CDC42BPA: variants seen among roughly 807,000 people sequenced by gnomAD.
CDC42BPA encodes serine/threonine-protein kinase MRCK alpha.
CDC42BPA carries 80 observed loss-of-function variants against 223.5 expected under a neutral mutation model. The observed-to-expected ratio is 0.36, with a 90% CI of 0.30 to 0.43. The LOEUF (loss-of-function observed/expected upper bound fraction) is 0.43. Among genes scored for constraint, CDC42BPA ranks in the 20% least tolerant of loss-of-function variants. CDC42BPA has a pLI of 1.00. For synonymous variants in CDC42BPA, 694 were observed against 718.6 expected (o/e 0.97, Z 0.55); for missense variants, 1,743 against 2,099.9 (o/e 0.83, Z 3.32).
In CDC42BPA at chr1:227,189,654, C is replaced by A. The variant is rs371521582; in HGVS notation, c.599+4132G>T. Among the ~76,000 whole-genome samples, 192 of 152,284 alleles carry A rather than the reference C, an allele frequency of 1.3e-3. 2 individuals carry two copies. Among genetic ancestry groups the A allele is most frequent in the African/African-American group, 4.3e-3 (177 of 41,576 alleles). On this transcript the variant is annotated intron_variant, in intron 5 of 36. Coordinates refer to ENST00000366766, the MANE Select transcript of CDC42BPA (RefSeq NM_001394014.1). ...CTCAATGTTATTAGAAAATATTTTA[C>A]TTTAATTATTCGTACCATTTGCTAT...
chr1:227,293,795 G>C (rs190189570), intron 1 of CDC42BPA, among the ~76,000 whole-genome samples: 1 of 151,058 alleles, frequency 6.6e-6, no homozygotes, highest in African/African-American at 2.4e-5. Context: ...TGGGCAACAA[G>C]AACAAAACTC....
intron 2 of CDC42BPA, among the ~76,000 whole-genome samples, chr1:227,230,138 C>T (rs1677565658): frequency 6.6e-6 from 1 of 152,212 alleles, no homozygotes; most frequent in Non-Finnish European, 1.5e-5. Context: ...AGATTTCTAG[C>T]TGTTCTGCTA....
At chr1:227,016,049 CTTTT>C in intron 34 of CDC42BPA, 27 bp downstream of exon 34, 1 of 1,231,272 alleles carries the variant, frequency 8.1e-7, no homozygotes, top group Non-Finnish European at 1.2e-6. Context: ...CACACCCGCC[CTTTT>C]TTACACTCAC....
At chr1:227,311,203 A>T (rs578171174) in intron 1 of CDC42BPA, among the ~76,000 whole-genome samples, 45 of 152,162 alleles carry the variant, frequency 3.0e-4, no homozygotes, top group East Asian at 2.5e-3. Context: ...ACACACAAAA[A>T]TTTTTTAATT....
chr1:227,158,397 T>C (rs982613888), intron 6 of CDC42BPA, among the ~76,000 whole-genome samples: 1 of 152,114 alleles, frequency 6.6e-6, no homozygotes, highest in African/African-American at 2.4e-5. Context: ...TTTTTTTGAA[T>C]CCTTGTCATT....
At chr1:227,121,280 A>T (rs1688627766) in intron 11 of CDC42BPA, among the ~76,000 whole-genome samples, 1 of 152,236 alleles carries the variant, frequency 6.6e-6, no homozygotes, top group Non-Finnish European at 1.5e-5. Flanking sequence ...TGTGGGAACC[A>T]GTGCACAAAG....
rs1660580057 is a variant in CDC42BPA, at chr1:226,990,330, CGTGCTG to C, written c.*3932_*3937del. 6.6e-6 allele frequency: 1 copy of C among 152,228 alleles called. No individual in the cohort carries two copies. The highest frequency in any genetic ancestry group is 2.4e-5 in the African/African-American group (1 of 41,446). The allele number at this position is 152,228 out of a possible 1,614,324, so 9.4% of individuals were successfully genotyped here. A position where few individuals can be genotyped will look rare whatever the true frequency, so the allele number is the denominator to read the frequency against. On this transcript the variant is annotated 3_prime_UTR_variant, in exon 37 of 37. Coordinates refer to ENST00000366766, the MANE Select transcript of CDC42BPA (RefSeq NM_001394014.1). ...GGTGTCCTGTGTGGGGAGGGCCCAG[CGTGCTG>C]CCAGTGCTGGGGGGCAGGGCTTACA...
In CDC42BPA at chr1:227,211,514, G is replaced by A. The variant is rs1413680160; in HGVS notation, c.354+1622C>T. On this transcript the variant is annotated intron_variant, in intron 3 of 36. Coordinates refer to ENST00000366766, the MANE Select transcript of CDC42BPA (RefSeq NM_001394014.1). ...AGACTCAATCTTGCTGTCCATTAAC[G>A]CAGGACTGAAGAAAATGTGATGTGT... is the stretch of plus-strand genomic sequence containing the variant. 2.6e-5 allele frequency among the ~76,000 whole-genome samples: 4 copies of A among 152,002 alleles called. No individual in the cohort carries two copies. The East Asian group carries it at 7.7e-4, about 29-fold the overall frequency.
chr1:227,015,740 A>G (rs1358889426), intron 34 of CDC42BPA, among the ~76,000 whole-genome samples: 1 of 152,202 alleles, frequency 6.6e-6, no homozygotes, highest in Non-Finnish European at 1.5e-5. Flanking sequence ...ACACGTAGTG[A>G]AATTTTAGTG....
intron 6 of CDC42BPA, among the ~76,000 whole-genome samples, chr1:227,147,944 A>G (rs926282020): frequency 4.6e-5 from 7 of 152,106 alleles, no homozygotes; most frequent in African/African-American, 7.2e-5. Flanking sequence ...AGATGGGGGG[A>G]AAAAGCTCCT....
rs775505552 is a variant in CDC42BPA, at chr1:227,029,075, G to A, written c.4014C>T (p.Thr1338=). The change falls in exon 30 of 37, where the codon ACC becomes ACT. Residue 1338 remains threonine (T), a synonymous_variant. Transcript: ENST00000366766. ...YKLSETKGCQ[T]VTSGKVRHGA... ...CATGGCGCACCTTTCCAGAAGTTACGGTTTGACACCCTTTAGTTTCTGACA... is the reference window on the plus strand; with the variant it reads ...CATGGCGCACCTTTCCAGAAGTTACAGTTTGACACCCTTTAGTTTCTGACA... The A allele has an allele frequency of 1.3e-5, 21 of 1,613,868 alleles. No individual in the cohort carries two copies. Among genetic ancestry groups the A allele is most frequent in the Middle Eastern group, 1.6e-4 (1 of 6,062 alleles).
rs1287374367 is a variant in CDC42BPA, at chr1:227,121,825, G to A, written c.1514-1888C>T. On this transcript the variant is annotated intron_variant, in intron 11 of 36. Coordinates refer to ENST00000366766, the MANE Select transcript of CDC42BPA (RefSeq NM_001394014.1). ...TTCTTTTTTTTTTTTTTTGGAGACG[G>A]AGTCTTGCTCTATCACCCAGGCTGG... 2.1e-5 allele frequency among the ~76,000 whole-genome samples: 3 copies of A among 146,010 alleles called. No homozygotes were observed. In the Admixed American group the frequency reaches 2.1e-4, roughly 10 times the overall value.
intron 5 of CDC42BPA, among the ~76,000 whole-genome samples, chr1:227,175,318 C>G (rs1266762010): frequency 2.0e-5 from 3 of 152,044 alleles, no homozygotes; most frequent in African/African-American, 7.2e-5. Flanking sequence ...CTTGAAACCA[C>G]AAGGCTGCAG....
chr1:227,147,062 T>A (rs1660831026), intron 7 of CDC42BPA, among the ~76,000 whole-genome samples: 1 of 152,204 alleles, frequency 6.6e-6, no homozygotes, highest in Non-Finnish European at 1.5e-5. Flanking sequence ...ATTCTAGTCA[T>A]GATTATACAT....
At chr1:227,187,223 T>C (rs1226968849) in intron 5 of CDC42BPA, among the ~76,000 whole-genome samples, 1 of 152,170 alleles carries the variant, frequency 6.6e-6, no homozygotes, top group East Asian at 1.9e-4. Context: ...GGCAACAATG[T>C]TGCAATTATC....
intron 1 of CDC42BPA, among the ~76,000 whole-genome samples, chr1:227,280,425 CCTTT>C (rs1687825575): frequency 6.6e-6 from 1 of 152,110 alleles, no homozygotes; most frequent in Non-Finnish European, 1.5e-5. Flanking sequence ...GAGAAATATG[CCTTT>C]ATTTTATAAA....
intron 16 of CDC42BPA, among the ~76,000 whole-genome samples, chr1:227,086,413 G>A (rs1462946983): frequency 6.6e-6 from 1 of 152,098 alleles, no homozygotes; most frequent in Non-Finnish European, 1.5e-5. Context: ...TTTTCTACAA[G>A]TGCTATGCCA....
rs182595913 is a variant in CDC42BPA, at chr1:227,279,142, T to C, written c.179-24987A>G. Among the ~76,000 whole-genome samples the C allele has an allele frequency of 4.6e-3, 702 of 152,282 alleles. 4 individuals carry two copies. The highest frequency in any genetic ancestry group is 0.016 in the African/African-American group (673 of 41,560). On this transcript the variant is annotated intron_variant, in intron 1 of 36. Coordinates refer to ENST00000366766, the MANE Select transcript of CDC42BPA (RefSeq NM_001394014.1). ...TCTCTCTTCCATTACATCTTTCTTT[T>C]GGTCTTCATGGATGTGAGGATCCTG... is the stretch of plus-strand genomic sequence containing the variant.
In CDC42BPA at chr1:227,112,852, C is replaced by A. The variant is rs760954062; in HGVS notation, c.1709G>T (p.Cys570Phe). ...TTCCTGCATGGCCAGTTTCCTCTGACAGTGTGCGTCTTTCAGCTCTTTGGA... is the reference window on the plus strand; with the variant it reads ...TTCCTGCATGGCCAGTTTCCTCTGAAAGTGTGCGTCTTTCAGCTCTTTGGA... ...NQSKELKDAHCQRKLAMQEFM... is the reference protein window; with the variant it reads ...NQSKELKDAHFQRKLAMQEFM... Residue 570 changes from cysteine to phenylalanine, a missense_variant, in exon 13 of 37, where the codon TGT becomes TTT. Coordinates refer to ENST00000366766, the MANE Select transcript of CDC42BPA (RefSeq NM_001394014.1). 1 of 1,613,972 alleles carries A rather than the reference C, an allele frequency of 6.2e-7. No homozygotes were observed. The highest frequency in any genetic ancestry group is 1.3e-5 in the African/African-American group (1 of 74,932).
Sources: allele counts gnomAD v4.1 joint callset (sites outside exome capture counted in the v4.1 genomes callset), GRCh38; gene constraint gnomAD v4.1.1; transcripts MANE v1.5; gene names NCBI Gene and HGNC (gene_info 2026-07-23, HGNC 2026-07-21).